FARP1: variants seen among roughly 807,000 people sequenced by gnomAD.
FARP1 encodes the protein FERM, ARHGEF and pleckstrin domain-containing protein 1.
Under a neutral mutation model 128.8 loss-of-function variants are expected in FARP1, and 52 were observed. The ratio of observed to expected loss-of-function variants is 0.40; its 90% CI spans 0.32 to 0.51. The LOEUF is 0.51. Ranked by LOEUF, FARP1 falls within the 20% of genes least tolerant of loss-of-function variation. FARP1 has a pLI of 0.45. For synonymous variants in FARP1, 580 were observed against 551.8 expected, an observed-to-expected ratio of 1.05 and a Z score of -0.72; for missense variants, 1,333 against 1,367.9, an observed-to-expected ratio of 0.97 and a Z score of 0.40.
intron 19 of FARP1, 63 bp from the exon 20 acceptor site, chr13:98,438,741 C>CT: frequency 2.9e-6 from 4 of 1,383,344 alleles, no homozygotes; most frequent in Non-Finnish European, 4.1e-6. Flanking sequence ...GGTCTGCACA[C>CT]TGGCCGTCAG....
chr13:98,379,869 T>C (rs1390970489), intron 6 of FARP1, among the ~76,000 whole-genome samples: 1 of 152,210 alleles, frequency 6.6e-6, no homozygotes, highest in Non-Finnish European at 1.5e-5. Context: ...TCCATGAATA[T>C]GGAACCCACA....
rs186206702 is a variant in FARP1 at position 98,428,284 on chromosome 13, G to A, written c.1906-2759G>A. Reference sequence around the variant, plus strand: ...CGCACAAAAACGCTTGGAAATCAATGCAAAGAAAGGGCCTTTCATCCTGAC... The same window carrying A: ...CGCACAAAAACGCTTGGAAATCAATACAAAGAAAGGGCCTTTCATCCTGAC... On this transcript the variant is annotated intron_variant, in intron 17 of 26. Transcript: ENST00000319562. Among the ~76,000 whole-genome samples, 80 of 152,310 alleles carry A rather than the reference G, an allele frequency of 5.3e-4. 1 individual carries two copies. The highest frequency in any genetic ancestry group is 4.6e-3 in the Admixed American group (70 of 15,302).
At chr13:98,252,009 G>A (rs1007334843) in intron 2 of FARP1, among the ~76,000 whole-genome samples, 2 of 144,760 alleles carry the variant, frequency 1.4e-5, no homozygotes, top group Admixed American at 7.0e-5. Flanking sequence ...CACCATGCCC[G>A]GTTATTTTTT....
Position 98,176,777 on chromosome 13 carries a change from G to C in FARP1, c.-24+33285G>C, listed in dbSNP as rs773053844. On this transcript the variant is annotated intron_variant, in intron 1 of 26. Transcript: ENST00000319562. The surrounding 1 kb of genome is among the most constrained non-coding windows in gnomAD (Gnocchi z 6.2). ...GTGTCCTTGGGCTTCAGGTACCTCA[G>C]GTAGCTGTGGATTCCCCGGTAGATG... 3 of 1,613,954 alleles carry C rather than the reference G, an allele frequency of 1.9e-6. No homozygotes were observed. The South Asian group carries it at 3.3e-5, about 18-fold the overall frequency.
At chr13:98,315,096 A>G (rs932795463) in intron 2 of FARP1, among the ~76,000 whole-genome samples, 2 of 152,204 alleles carry the variant, frequency 1.3e-5, no homozygotes, top group African/African-American at 4.8e-5. Flanking sequence ...TGGTTACACA[A>G]TAACAATCGA....
At chr13:98,388,509 T>C (rs373992918) in intron 9 of FARP1, 31 bp downstream of exon 9, 80 of 1,537,872 alleles carry the variant, frequency 5.2e-5, no homozygotes, top group Non-Finnish European at 6.8e-5. Context: ...AGGGGACCCG[T>C]TGAGCCATGG....
chr13:98,358,408 T>C (rs1325373840), intron 3 of FARP1, among the ~76,000 whole-genome samples: 1 of 152,150 alleles, frequency 6.6e-6, no homozygotes, highest in South Asian at 2.1e-4. Flanking sequence ...TGTTGTGTTA[T>C]ATATTTTCTC....
intron 2 of FARP1, among the ~76,000 whole-genome samples, chr13:98,232,633 G>A (rs1207812939): frequency 4.6e-5 from 7 of 152,172 alleles, no homozygotes; most frequent in Non-Finnish European, 2.9e-5. Context: ...AAGACATGCT[G>A]TTGCACACTT....
chr13:98,153,297 A>ATATTTATATATAAAATATATAAAT (rs1555322251), intron 1 of FARP1, among the ~76,000 whole-genome samples: 1 of 115,000 alleles, frequency 8.7e-6, no homozygotes, highest in Non-Finnish European at 1.8e-5. Flanking sequence ...AATATATATA[A>ATATTTATATATAAAATATATAAAT]ATATATTTAT....
intron 2 of FARP1, among the ~76,000 whole-genome samples, chr13:98,238,559 A>T (rs561199815): frequency 6.6e-6 from 1 of 152,312 alleles, no homozygotes; most frequent in African/African-American, 2.4e-5. Flanking sequence ...CAGAAGGCAA[A>T]GGAGGAGAAA....
intron 3 of FARP1, among the ~76,000 whole-genome samples, chr13:98,352,195 C>T (rs1177926949): frequency 3.3e-5 from 5 of 152,034 alleles, no homozygotes; most frequent in East Asian, 1.9e-4. Context: ...GGAGACAGAA[C>T]ATCAGCCAGC....
At chr13:98,378,629 C>T (rs867857800) in intron 6 of FARP1, among the ~76,000 whole-genome samples, 1 of 151,722 alleles carries the variant, frequency 6.6e-6, no homozygotes, top group Non-Finnish European at 1.5e-5. Flanking sequence ...TATATGAATT[C>T]GTCTCATATA....
At chr13:98,144,038 T>C (rs1272481153) in intron 1 of FARP1, among the ~76,000 whole-genome samples, 2 of 152,144 alleles carry the variant, frequency 1.3e-5, no homozygotes, top group Non-Finnish European at 2.9e-5. Context: ...GTGTCTCTCT[T>C]TACTGTCTGC....
intron 2 of FARP1, among the ~76,000 whole-genome samples, chr13:98,239,633 G>T (rs531037147): frequency 1.1e-4 from 17 of 152,304 alleles, no homozygotes; most frequent in Admixed American, 1.1e-3. Flanking sequence ...GCCTCAGGCA[G>T]GGATGGCAGG....
In FARP1 at chr13:98,302,223, A is replaced by G. The variant is rs1885954634; in HGVS notation, c.172-41539A>G. On this transcript the variant is annotated intron_variant, in intron 2 of 26. Transcript: ENST00000319562. ...ATCAAACCTCCAGAATAATGGGGCA[A>G]ACACGTGGAATGAACTCTCTTTCCA... Among the ~76,000 whole-genome samples the G allele has an allele frequency of 2.0e-5, 3 of 152,250 alleles. No individual in the cohort carries two copies. The South Asian group carries it at 6.2e-4, about 32-fold the overall frequency.
chr13:98,163,770 G>A (rs764931298), intron 1 of FARP1, among the ~76,000 whole-genome samples: 3 of 151,074 alleles, frequency 2.0e-5, no homozygotes, highest in Non-Finnish European at 2.9e-5. Context: ...GTGCAGTGGC[G>A]CGATCTCAGC....
intron 2 of FARP1, among the ~76,000 whole-genome samples, chr13:98,324,125 A>G (rs1887125935): frequency 1.3e-5 from 2 of 152,244 alleles, no homozygotes; most frequent in Admixed American, 6.5e-5. Flanking sequence ...TCATGCGTAC[A>G]TTGAAGTTAT....
At chr13:98,352,195 C>A (rs1177926949) in intron 3 of FARP1, among the ~76,000 whole-genome samples, 1 of 152,034 alleles carries the variant, frequency 6.6e-6, no homozygotes, top group African/African-American at 2.4e-5. Flanking sequence ...GGAGACAGAA[C>A]ATCAGCCAGC....
At chr13:98,189,838 T>C (rs1347486671) in intron 1 of FARP1, among the ~76,000 whole-genome samples, 2 of 152,262 alleles carry the variant, frequency 1.3e-5, no homozygotes, top group African/African-American at 2.4e-5. Flanking sequence ...TTGAGATTTG[T>C]GATTTCTATT....
Sources: allele counts gnomAD v4.1 joint callset (sites outside exome capture counted in the v4.1 genomes callset), GRCh38; gene constraint gnomAD v4.1.1; non-coding constraint Gnocchi (gnomAD v3.1); transcripts MANE v1.5; gene names NCBI Gene and HGNC (gene_info 2026-07-23, HGNC 2026-07-21).